The following KIF13B variants were observed in gnomAD, a reference collection of about 807,000 sequenced individuals.
The protein encoded by KIF13B is kinesin-like protein KIF13B.
Under a neutral mutation model 222.0 loss-of-function variants are expected in KIF13B, and 127 were observed. That is an observed-to-expected ratio of 0.57 (90% CI 0.50 to 0.66). The LOEUF is 0.66. KIF13B is among the 30% of genes least tolerant of loss of function. KIF13B has a pLI of 0.00. For synonymous variants in KIF13B, 976 were observed against 919.0 expected (o/e 1.06, Z -1.12); for missense variants, 2,173 against 2,379.0 (o/e 0.91, Z 1.80).
rs2693 is a variant in KIF13B, at chr8:29,067,341, C to T, written c.*3163G>A. The stretch of plus-strand genomic sequence containing the variant: ...TGGTCATTTGATGGAAAGACACATA[C>T]GGTACAAAATTACAGGTGGTTTAGT... On this transcript the variant is annotated 3_prime_UTR_variant, in exon 40 of 40. Transcript: ENST00000524189. The T allele has an allele frequency of 0.4, 60,468 of 152,414 alleles. 12,652 individuals carry two copies. The highest frequency in any genetic ancestry group is 0.53 in the African/African-American group (21,822 of 41,454). 9.4% of individuals were successfully genotyped at this position (152,414 alleles called of 1,614,324 possible). A position where few individuals can be genotyped will look rare whatever the true frequency, so the allele number is the denominator to read the frequency against.
chr8:29,140,319 C>T, intron 20 of KIF13B, 128 bp from the exon 21 acceptor site: 1 of 1,408,094 alleles, frequency 7.1e-7, no homozygotes, highest in African/African-American at 1.4e-5. Context: ...GGCCTAGTCT[C>T]TGACAGTTAC....
chr8:29,165,904 T>TCGATTGTAGATCGAAGTACC, intron 11 of KIF13B, 132 bp from the exon 12 acceptor site: 8 of 567,658 alleles, frequency 1.4e-5, no homozygotes, highest in Middle Eastern at 2.9e-4. Flanking sequence ...TGACATCTAC[T>TCGATTGTAGATCGAAGTACC]TCGATTGTAG....
chr8:29,261,425 A>T (rs1200162317), intron 1 of KIF13B, among the ~76,000 whole-genome samples: 2 of 152,222 alleles, frequency 1.3e-5, no homozygotes, highest in African/African-American at 4.8e-5. Flanking sequence ...GTGGTTGGTT[A>T]GCGGCCTCTT....
At chr8:29,218,239 G>A (rs1184287733) in intron 2 of KIF13B, among the ~76,000 whole-genome samples, 1 of 152,156 alleles carries the variant, frequency 6.6e-6, no homozygotes, top group Non-Finnish European at 1.5e-5. Flanking sequence ...ATTTAGCCCA[G>A]TGCCTGCCAA....
chr8:29,129,276 A>C (rs1307389676), intron 24 of KIF13B, among the ~76,000 whole-genome samples: 3 of 152,216 alleles, frequency 2.0e-5, no homozygotes, highest in African/African-American at 7.2e-5. Context: ...CTTGCCTTCC[A>C]GTAGATGAAT....
In KIF13B at chr8:29,076,138, T is replaced by C. The variant is rs185619796; in HGVS notation, c.4459-795A>G. 3.8e-3 allele frequency among the ~76,000 whole-genome samples: 571 copies of C among 152,228 alleles called. 6 individuals carry two copies. Among genetic ancestry groups the C allele is most frequent in the Non-Finnish European group, 4.1e-3 (276 of 68,010 alleles). On this transcript the variant is annotated intron_variant, in intron 37 of 39. Transcript: ENST00000524189. Reference sequence around the variant, plus strand: ...CTCGGGGAGAGAAGGAACCAGAGCATCATTCTGTTGCTGCGGAGTGGCTGT... The same window carrying C: ...CTCGGGGAGAGAAGGAACCAGAGCACCATTCTGTTGCTGCGGAGTGGCTGT...
intron 3 of KIF13B, among the ~76,000 whole-genome samples, chr8:29,195,453 T>C (rs1304643284): frequency 6.6e-6 from 1 of 152,080 alleles, no homozygotes; most frequent in Non-Finnish European, 1.5e-5. Flanking sequence ...TCTTAAAAAG[T>C]CAGAGTCCCA....
At chr8:29,074,919 G>A (rs536175016) in intron 38 of KIF13B, among the ~76,000 whole-genome samples, 4 of 152,296 alleles carry the variant, frequency 2.6e-5, no homozygotes, top group Admixed American at 6.5e-5. Flanking sequence ...CTTAGCATTC[G>A]TCTTTTCACG....
intron 24 of KIF13B, 47 bp downstream of exon 24, chr8:29,130,486 C>T (rs753468089): frequency 6.2e-7 from 1 of 1,601,040 alleles, no homozygotes. Context: ...CAATATTAAG[C>T]TTTCTGGCAC....
intron 2 of KIF13B, among the ~76,000 whole-genome samples, chr8:29,233,986 T>C (rs1815397080): frequency 6.6e-6 from 1 of 152,248 alleles, no homozygotes; most frequent in South Asian, 2.1e-4. Flanking sequence ...AATGTATTAA[T>C]TTGAACACTA....
chr8:29,142,421 T>C, intron 18 of KIF13B, 118 bp from the exon 19 acceptor site: 1 of 839,218 alleles, frequency 1.2e-6, no homozygotes. Context: ...GCAATCATCC[T>C]TTAATCTGTT....
intron 2 of KIF13B, among the ~76,000 whole-genome samples, chr8:29,199,087 T>TTTTTTTTTTTTTTTTTTTTTATTATAC (rs1563781453): frequency 1.3e-5 from 2 of 151,708 alleles, no homozygotes; most frequent in African/African-American, 4.9e-5. Context: ...ATAAAATTTT[T>TTTTTTTTTTTTTTTTTTTTTATTATAC]TAAAAAATAG....
At chr8:29,226,694 C>A (rs1246619303) in intron 2 of KIF13B, among the ~76,000 whole-genome samples, 1 of 152,192 alleles carries the variant, frequency 6.6e-6, no homozygotes, top group Non-Finnish European at 1.5e-5. Flanking sequence ...AAAATTTACA[C>A]CCGCGTGGTC....
intron 2 of KIF13B, among the ~76,000 whole-genome samples, chr8:29,220,847 T>C (rs903144188): frequency 7.9e-5 from 12 of 152,096 alleles, no homozygotes; most frequent in African/African-American, 2.9e-4. Context: ...TGTAAAAACA[T>C]CCCAGAAAAT....
At position 29,150,393 on chromosome 8, in the gene KIF13B, G is replaced by A; in HGVS notation, c.1536-10C>T. On this transcript the variant is annotated splice_polypyrimidine_tract_variant and intron_variant, in intron 14 of 39. Coordinates refer to ENST00000524189, the MANE Select transcript of KIF13B (RefSeq NM_015254.4). ...CCCATTTACAAATGTTCTGTAAGGAGAAGAGATCAAACGTGAATGATGAGT... is the reference window on the plus strand; with the variant it reads ...CCCATTTACAAATGTTCTGTAAGGAAAAGAGATCAAACGTGAATGATGAGT... 2 of 1,440,344 alleles carry A rather than the reference G, an allele frequency of 1.4e-6. No homozygotes were observed. The highest frequency in any genetic ancestry group is 1.9e-6 in the Non-Finnish European group (2 of 1,029,082). 89.2% of individuals were successfully genotyped at this position (1,440,344 alleles called of 1,614,324 possible).
intron 2 of KIF13B, among the ~76,000 whole-genome samples, chr8:29,209,624 C>T (rs912418939): frequency 1.3e-5 from 2 of 152,154 alleles, no homozygotes; most frequent in African/African-American, 4.8e-5. Context: ...GTGTGACAGT[C>T]CCTTAAGGTG....
rs561879428 is a variant in KIF13B at position 29,163,361 on chromosome 8, C to T, written c.1269+2301G>A. Among the ~76,000 whole-genome samples, 5 of 152,308 alleles carry T rather than the reference C, an allele frequency of 3.3e-5. No homozygotes were observed. In the South Asian group the frequency reaches 1.0e-3, roughly 32 times the overall value. ...ATTCTGTGGTAGGGCCATCCGAGGG[C>T]TTGCACCCCACAGGAAGATGTTACA... On this transcript the variant is annotated intron_variant, in intron 12 of 39. Coordinates refer to ENST00000524189, the MANE Select transcript of KIF13B (RefSeq NM_015254.4).
chr8:29,197,492 T>C (rs1330436688), intron 2 of KIF13B, among the ~76,000 whole-genome samples: 1 of 152,152 alleles, frequency 6.6e-6, no homozygotes, highest in Non-Finnish European at 1.5e-5. Context: ...ACTGCTTTTC[T>C]CCTTCTCCTT....
In KIF13B at chr8:29,140,168, C is replaced by T; in HGVS notation, c.2508G>A (p.Glu836=). ...KGEVAGRLHV[E]VMRLSGDVGE... is the part of the protein sequence containing the mutation. ...CAACATCACCACTGAGTCGCATCAC[C>T]TCCACGTGCAGCCGACCTGCCACCT... The change falls in exon 21 of 40, where the codon GAG becomes GAA. Residue 836 remains glutamate (E), a synonymous_variant. Transcript: ENST00000524189. 6.2e-7 allele frequency: 1 copy of T among 1,613,788 alleles called. No homozygotes were observed. The highest frequency in any genetic ancestry group is 1.1e-5 in the South Asian group (1 of 91,064).
Sources: gnomAD v4.1 joint callset for allele counts (sites outside exome capture counted in the v4.1 genomes callset) on GRCh38, gnomAD v4.1.1 for gene constraint, MANE v1.5 for transcripts, NCBI Gene and HGNC (gene_info 2026-07-23, HGNC 2026-07-21) for gene names.